SYT3: variants seen among roughly 807,000 people sequenced by gnomAD.
The protein encoded by SYT3 is synaptotagmin 3.
In SYT3, 25 loss-of-function variants were observed where a neutral mutation model predicts 50.6. The ratio of observed to expected loss-of-function variants is 0.49; its 90% confidence interval spans 0.36 to 0.69. The LOEUF (loss-of-function observed/expected upper bound fraction) is 0.69, where lower values mean the gene tolerates loss of function less well. SYT3 is among the 30% of genes least tolerant of loss of function. The pLI is 0.00. For synonymous variants in SYT3, 323 were observed against 353.9 expected (o/e 0.91, Z 0.98); for missense variants, 589 against 793.6 (o/e 0.74, Z 3.10).
upstream of SYT3, among the ~76,000 whole-genome samples, chr19:50,642,731 G>C (rs1033375815): frequency 2.6e-5 from 4 of 152,124 alleles, no homozygotes; most frequent in African/African-American, 7.2e-5. Flanking sequence ...CTACTTGGGA[G>C]GCTGAAGCAG....
At chr19:50,654,796 A>G in the SYT3 span, among the ~76,000 whole-genome samples, 10 of 151,526 alleles carry the variant, frequency 6.6e-5, no homozygotes, top group African/African-American at 1.9e-4. Context: ...TGCCCAGATA[A>G]TTAAAAATTT....
chr19:50,624,539 G>A (rs183112692), intron 9 of SYT3, among the ~76,000 whole-genome samples: 14 of 145,782 alleles, frequency 9.6e-5, no homozygotes, highest in Admixed American at 7.9e-4. Flanking sequence ...CTGATCAAGC[G>A]ATAATCTTAA....
intron 6 of SYT3, among the ~76,000 whole-genome samples, chr19:50,626,530 A>G: frequency 7.8e-6 from 1 of 128,840 alleles, no homozygotes; most frequent in African/African-American, 3.1e-5. Flanking sequence ...CCCAGAGAGG[A>G]GGACAGAGAC....
At position 50,625,946 on chromosome 19, in the gene SYT3, G is replaced by A. The variant is rs368077148; in HGVS notation, c.1353C>T (p.Thr451=). Residue 451 remains threonine, a synonymous_variant, in exon 7 of 11, where the codon ACC becomes ACT. Coordinates refer to ENST00000600079, the MANE Select transcript of SYT3 (RefSeq NM_001160329.2). The surrounding 1 kb of genome is among the most constrained non-coding windows in gnomAD (Gnocchi z 7.5). The part of the protein sequence containing the change: ...YLPTAGRLTV[T]IIKASNLKAM... ...CTTTGAGGTTAGAGGCTTTGATGATGGTCACGGTGAGGCGCCCGGCCGTGG... is the reference window on the plus strand; with the variant it reads ...CTTTGAGGTTAGAGGCTTTGATGATAGTCACGGTGAGGCGCCCGGCCGTGG... 3.5e-5 allele frequency: 56 copies of A among 1,614,130 alleles called. No individual in the cohort carries two copies. The African/African-American group carries it at 6.4e-4, about 18-fold the overall frequency.
chr19:50,646,978 C>T, the SYT3 span, among the ~76,000 whole-genome samples: 1,383 of 152,048 alleles, frequency 9.1e-3, 11 homozygotes, highest in African/African-American at 0.031. Flanking sequence ...CTACAGGTGC[C>T]CGCCACCACA....
chr19:50,629,954 C>A lies in SYT3; in HGVS notation c.892G>T (p.Ala298Ser). 1 of 1,613,866 alleles carries A rather than the reference C, an allele frequency of 6.2e-7. No individual in the cohort carries two copies. The highest frequency in any genetic ancestry group is 8.5e-7 in the Non-Finnish European group (1 of 1,179,900). Residue 298 changes from alanine to serine, a missense_variant, in exon 5 of 11, where the codon GCA becomes TCA. Ala to Ser is a moderately conservative substitution (Grantham distance 99). Around this residue, in one of 2 missense-constraint regions of SYT3, gnomAD observed 273 missense variants for 439.3 expected, o/e 0.62. Transcript: ENST00000600079. ...GPGSGEAGTG[A>S]PCGRISFALR... ...GCGAAGCTGATACGGCCACAGGGTG[C>A]CCCTGTGCCTGCCTCTCCAGAGCCT... is the stretch of plus-strand genomic sequence containing the variant.
At chr19:50,651,192 T>G in the SYT3 span, among the ~76,000 whole-genome samples, 1 of 152,194 alleles carries the variant, frequency 6.6e-6, no homozygotes, top group Non-Finnish European at 1.5e-5. Flanking sequence ...AGATCATTCA[T>G]AGCCTCCAAT....
chr19:50,650,435 C>G, the SYT3 span, among the ~76,000 whole-genome samples: 2 of 152,182 alleles, frequency 1.3e-5, no homozygotes, highest in Non-Finnish European at 2.9e-5. Context: ...CTTTGGAGGC[C>G]GAGGTGAGTG....
the SYT3 span, among the ~76,000 whole-genome samples, chr19:50,653,855 G>A: frequency 6.6e-6 from 1 of 152,002 alleles, no homozygotes; most frequent in Non-Finnish European, 1.5e-5. Context: ...GAGACTGATG[G>A]AAAGCACAGG....
chr19:50,629,285 G>C lies in SYT3; in HGVS notation c.1281+9C>G. 6.3e-7 allele frequency: 1 copy of C among 1,586,170 alleles called. No homozygotes were observed. The highest frequency in any genetic ancestry group is 1.1e-5 in the South Asian group (1 of 87,932). ...GGGAAGGGGAAGGTCAGGGGAGAGG[G>C]CCACTGACCGAGCCGCCCTCCACGA... On this transcript the variant is annotated intron_variant, in intron 6 of 10. Coordinates refer to ENST00000600079, the MANE Select transcript of SYT3 (RefSeq NM_001160329.2).
In SYT3 at chr19:50,632,578, C is replaced by A; in HGVS notation, c.382G>T (p.Gly128Cys). Residue 128 changes from glycine to cysteine, a missense_variant, in exon 4 of 11, where the codon GGC becomes TGC. Coordinates refer to ENST00000600079, the MANE Select transcript of SYT3 (RefSeq NM_001160329.2). This position sits in a 1 kb window ranked among gnomAD's most constrained non-coding sequence, Gnocchi z 4.7. ...AAGLGGHPLL[G>C]GPHHHAHAAH... is the part of the protein sequence containing the mutation. The stretch of plus-strand genomic sequence containing the variant: ...GCATGGGCATGGTGGTGTGGGCCGC[C>A]CAGCAGAGGATGGCCACCCAGGCCA... The A allele has an allele frequency of 6.3e-7, 1 of 1,585,840 alleles. No individual in the cohort carries two copies. The highest frequency in any genetic ancestry group is 1.7e-5 in the Admixed American group (1 of 58,714).
chr19:50,627,957 A>G (rs1195851745), intron 6 of SYT3, among the ~76,000 whole-genome samples: 1 of 152,168 alleles, frequency 6.6e-6, no homozygotes, highest in Admixed American at 6.5e-5. Context: ...GGGCACTTCA[A>G]TCTCAAAGGC....
At chr19:50,626,556 G>T (rs1475612817) in intron 6 of SYT3, among the ~76,000 whole-genome samples, 1 of 146,846 alleles carries the variant, frequency 6.8e-6, no homozygotes, top group Non-Finnish European at 1.5e-5. Context: ...GAGAGAGGAG[G>T]ACAGAAGCCC....
Position 50,625,331 on chromosome 19 carries a change from TGGGAG to T in SYT3, c.1575-42_1575-38del. ...GGTCAGTGAGGACCGTGGAGGGTGG[TGGGAG>T]GGCCTGTCCCCACCCCAGCCCTCCT... On this transcript the variant is annotated intron_variant, in intron 8 of 10. Coordinates refer to ENST00000600079, the MANE Select transcript of SYT3 (RefSeq NM_001160329.2). This position sits in a 1 kb window ranked among gnomAD's most constrained non-coding sequence, Gnocchi z 7.5. The T allele has an allele frequency of 6.5e-7, 1 of 1,533,930 alleles. No homozygotes were observed. The highest frequency in any genetic ancestry group is 8.8e-7 in the Non-Finnish European group (1 of 1,141,530).
chr19:50,623,202 G>A, intron 9 of SYT3, among the ~76,000 whole-genome samples: 1 of 152,030 alleles, frequency 6.6e-6, no homozygotes, highest in African/African-American at 2.4e-5. Context: ...CATGGGCAGT[G>A]GCTCACCAGA....
intron 6 of SYT3, among the ~76,000 whole-genome samples, chr19:50,627,744 AATGAG>A (rs1291226221): frequency 2.0e-5 from 3 of 150,958 alleles, no homozygotes; most frequent in African/African-American, 7.3e-5. Flanking sequence ...AAAAAAAAAA[AATGAG>A]AGAGAGAGAA....
At chr19:50,648,857 GAGGGGGCCTCA>G in the SYT3 span, among the ~76,000 whole-genome samples, 4 of 152,162 alleles carry the variant, frequency 2.6e-5, no homozygotes, top group Non-Finnish European at 5.9e-5. Context: ...TGACAGAGGG[GAGGGGGCCTCA>G]AGGGGGCAGT....
At position 50,628,820 on chromosome 19, in the gene SYT3, C is replaced by T. The variant is rs1049946772; in HGVS notation, c.1281+474G>A. Among the ~76,000 whole-genome samples the T allele has an allele frequency of 6.4e-5, 9 of 139,984 alleles. No homozygotes were observed. In the East Asian group the frequency reaches 1.2e-3, roughly 18 times the overall value. The allele number at this position is 139,984 out of a possible 152,430, so 91.8% of individuals were successfully genotyped here. ...GGAATGGTGTCCACTGTATCATTATCTGTTCTTTTTTTTTTTTTTTTGAGA... is the reference window on the plus strand; with the variant it reads ...GGAATGGTGTCCACTGTATCATTATTTGTTCTTTTTTTTTTTTTTTTGAGA... On this transcript the variant is annotated intron_variant, in intron 6 of 10. Transcript: ENST00000600079.
chr19:50,656,498 G>A, the SYT3 span, among the ~76,000 whole-genome samples: 2 of 152,158 alleles, frequency 1.3e-5, no homozygotes, highest in Non-Finnish European at 2.9e-5. Flanking sequence ...AAAACTGATT[G>A]TGAATTTGTC....
Sources: allele counts gnomAD v4.1 joint callset (sites outside exome capture counted in the v4.1 genomes callset), GRCh38; gene constraint gnomAD v4.1.1; regional missense constraint gnomAD v4.1.1; non-coding constraint Gnocchi (gnomAD v3.1); transcripts MANE v1.5; gene names NCBI Gene and HGNC (gene_info 2026-07-23, HGNC 2026-07-21).